The following PRKCE variants were observed in gnomAD, a reference collection of about 807,000 sequenced individuals.
PRKCE encodes the protein protein kinase C epsilon, also known as protein kinase C epsilon type.
Under a neutral mutation model 85.4 loss-of-function variants are expected in PRKCE, and 16 were observed. The ratio of observed to expected loss-of-function variants is 0.19; its 90% CI spans 0.13 to 0.28. PRKCE has a LOEUF of 0.28. Ranked by LOEUF, PRKCE falls within the 10% of genes least tolerant of loss-of-function variation. The probability of loss-of-function intolerance (pLI) is 1.00; values close to 1 mark genes in which losing one functional copy is unlikely to be tolerated. For synonymous variants in PRKCE, 388 were observed against 371.5 expected (o/e 1.04, Z -0.51); for missense variants, 573 against 975.2 (o/e 0.59, Z 5.49).
In PRKCE at chr2:45,812,101, A is replaced by G. The variant is rs1031664364; in HGVS notation, c.349-30899A>G. The stretch of plus-strand genomic sequence containing the variant: ...CCTCAGCTCAACCCTGATGAGCAGT[A>G]TGACTTTGGGTGAGTCACCCCACCT... On this transcript the variant is annotated intron_variant, in intron 1 of 14. Coordinates refer to ENST00000306156, the MANE Select transcript of PRKCE (RefSeq NM_005400.3). Among the ~76,000 whole-genome samples the G allele has an allele frequency of 7.2e-5, 11 of 152,336 alleles. No individual in the cohort carries two copies. In the South Asian group the frequency reaches 2.3e-3, roughly 32 times the overall value.
chr2:45,723,457 C>T (rs181091690), intron 1 of PRKCE, among the ~76,000 whole-genome samples: 14 of 152,256 alleles, frequency 9.2e-5, no homozygotes, highest in African/African-American at 2.9e-4. Context: ...TAAGTGTGTC[C>T]TGCTTGGAGC....
intron 1 of PRKCE, among the ~76,000 whole-genome samples, chr2:45,779,815 T>C (rs1038250960): frequency 9.2e-5 from 14 of 152,206 alleles, no homozygotes; most frequent in Non-Finnish European, 1.8e-4. Context: ...ATTTTATAAT[T>C]TCCTTGTCAT....
rs115053891 is a variant in PRKCE, at chr2:45,822,009, G to T, written c.349-20991G>T. 6.7e-3 allele frequency among the ~76,000 whole-genome samples: 1,017 copies of T among 152,264 alleles called. 7 individuals are homozygous for T. The highest frequency in any genetic ancestry group is 0.054 in the Middle Eastern group (16 of 294). On this transcript the variant is annotated intron_variant, in intron 1 of 14. Coordinates refer to ENST00000306156, the MANE Select transcript of PRKCE (RefSeq NM_005400.3). ...TAGTGACTGAGGAGCTCTGAGGTGC[G>T]GGGCGTGGGAGGACCTGTAGCCGGC...
chr2:45,992,424 AG>A (rs1179432049), intron 6 of PRKCE, among the ~76,000 whole-genome samples: 7 of 152,138 alleles, frequency 4.6e-5, no homozygotes, highest in Admixed American at 3.9e-4. Flanking sequence ...GCATGACCCC[AG>A]GGGGGCATCC....
intron 10 of PRKCE, among the ~76,000 whole-genome samples, chr2:46,053,546 T>C (rs1334350931): frequency 6.6e-6 from 1 of 152,240 alleles, no homozygotes; most frequent in African/African-American, 2.4e-5. Context: ...CATGCCACTG[T>C]TGATCTCTAT....
At chr2:45,839,423 A>G (rs1691166787) in intron 1 of PRKCE, among the ~76,000 whole-genome samples, 2 of 152,206 alleles carry the variant, frequency 1.3e-5, no homozygotes, top group African/African-American at 4.8e-5. Flanking sequence ...TAGAAATAGT[A>G]GCTGGGAAGA....
intron 2 of PRKCE, among the ~76,000 whole-genome samples, chr2:45,965,510 C>T (rs140870950): frequency 2.2e-4 from 34 of 152,172 alleles, no homozygotes; most frequent in African/African-American, 7.0e-4. Context: ...AAGTTTGCAC[C>T]CTAGCTTCTG....
chr2:45,870,704 T>C (rs1694022336), intron 2 of PRKCE, among the ~76,000 whole-genome samples: 1 of 152,188 alleles, frequency 6.6e-6, no homozygotes, highest in South Asian at 2.1e-4. Context: ...TTTGTTCAAA[T>C]CCAGTTTCTA....
At chr2:46,031,591 C>CGT (rs58684318) in intron 10 of PRKCE, among the ~76,000 whole-genome samples, 11,141 of 143,934 alleles carry the variant, frequency 0.077, 530 homozygotes, top group African/African-American at 0.14. Context: ...ACATTCTGCT[C>CGT]GTGTGTGTGT....
chr2:45,753,154 C>A (rs1336429833), intron 1 of PRKCE, among the ~76,000 whole-genome samples: 4 of 152,118 alleles, frequency 2.6e-5, no homozygotes, highest in African/African-American at 9.7e-5. Context: ...GCTGGGTTAC[C>A]TACCACCCCA....
rs1431559663 is a variant in PRKCE, at chr2:46,184,860, T to C, written c.2193T>C (p.Phe731=). ...AGGAATTCAAAGGTTTCTCCTACTT[T>C]GGTGAAGACCTGATGCCCTGAGAGC... ...NQEEFKGFSY[F]GEDLMP Residue 731 remains phenylalanine (F), a synonymous_variant, in exon 15 of 15, where the codon TTT becomes TTC. Coordinates refer to ENST00000306156, the MANE Select transcript of PRKCE (RefSeq NM_005400.3). This position sits in a 1 kb window ranked among gnomAD's most constrained non-coding sequence, Gnocchi z 5.0. 3 of 1,599,682 alleles carry C rather than the reference T, an allele frequency of 1.9e-6. No individual in the cohort carries two copies. The highest frequency in any genetic ancestry group is 2.2e-5 in the East Asian group (1 of 44,898).
chr2:45,817,128 C>T (rs1689127414), intron 1 of PRKCE, among the ~76,000 whole-genome samples: 1 of 144,356 alleles, frequency 6.9e-6, no homozygotes, highest in East Asian at 2.0e-4. Flanking sequence ...AGGGACATGC[C>T]CCAGGGGGAG....
chr2:46,179,668 G>A (rs1234688618), intron 14 of PRKCE, among the ~76,000 whole-genome samples: 7 of 152,230 alleles, frequency 4.6e-5, no homozygotes, highest in South Asian at 2.1e-4. Flanking sequence ...AACCCTGGTC[G>A]AACCTGTTTG....
chr2:45,709,150 G>A (rs950378280), intron 1 of PRKCE, among the ~76,000 whole-genome samples: 8 of 152,226 alleles, frequency 5.3e-5, no homozygotes, highest in Admixed American at 4.6e-4. Flanking sequence ...AGTAGGAGGT[G>A]AAGACCCCCA....
intron 1 of PRKCE, among the ~76,000 whole-genome samples, chr2:45,671,306 A>G (rs1041335216): frequency 1.3e-5 from 2 of 152,206 alleles, no homozygotes; most frequent in African/African-American, 4.8e-5. Context: ...TAAATGATGA[A>G]TTGGGGGCCA....
chr2:46,079,188 A>AG (rs1372475707), intron 10 of PRKCE, among the ~76,000 whole-genome samples: 2 of 151,690 alleles, frequency 1.3e-5, no homozygotes, highest in African/African-American at 2.4e-5. Flanking sequence ...AAAAAAAAAA[A>AG]AAAAGAAAAT....
At chr2:45,968,084 G>C (rs906405051) in intron 2 of PRKCE, among the ~76,000 whole-genome samples, 1 of 152,212 alleles carries the variant, frequency 6.6e-6, no homozygotes, top group Non-Finnish European at 1.5e-5. Flanking sequence ...GTCTGGCCCA[G>C]GCAAGGTTGA....
chr2:45,864,554 C>T (rs1693429821), intron 2 of PRKCE, among the ~76,000 whole-genome samples: 1 of 152,116 alleles, frequency 6.6e-6, no homozygotes, highest in Admixed American at 6.5e-5. Context: ...ATGAACACAA[C>T]TTAAGGGCTT....
intron 11 of PRKCE, among the ~76,000 whole-genome samples, chr2:46,133,581 G>A (rs867882189): frequency 7.2e-5 from 11 of 152,190 alleles, no homozygotes; most frequent in African/African-American, 2.4e-4. Flanking sequence ...CAATTTGATG[G>A]ACGCTAAAAT....
Sources: allele counts gnomAD v4.1 joint callset (sites outside exome capture counted in the v4.1 genomes callset), GRCh38; gene constraint gnomAD v4.1.1; non-coding constraint Gnocchi (gnomAD v3.1); transcripts MANE v1.5; gene names NCBI Gene and HGNC (gene_info 2026-07-23, HGNC 2026-07-21).